The following TNNI3K variants were observed in gnomAD, a reference collection of about 807,000 sequenced individuals.
The protein encoded by TNNI3K is serine/threonine-protein kinase TNNI3K.
TNNI3K carries 140 observed loss-of-function variants against 114.5 expected under a neutral mutation model. That is an observed-to-expected ratio of 1.22 (90% CI 1.07 to 1.41). The LOEUF is 1.41. Among genes scored for constraint, TNNI3K ranks in the 40% most tolerant of loss-of-function variants. The probability of loss-of-function intolerance (pLI) is 0.00; values close to 1 mark genes in which losing one functional copy is unlikely to be tolerated. For missense variants in TNNI3K, 1,125 were observed against 1,007.6 expected (o/e 1.12, Z -1.58); for synonymous variants, 347 against 347.5 (o/e 1.00, Z 0.02).
At position 74,481,960 on chromosome 1, in the gene TNNI3K, G is replaced by A. The variant is rs143084380; in HGVS notation, c.2122-7229G>A. ...CGGAAACAAAGAGATTAAAAAATAC[G>A]TAAAAGACAAAAGATTCTCAGAGTG... is the stretch of plus-strand genomic sequence containing the variant. On this transcript the variant is annotated intron_variant, in intron 21 of 24. Transcript: ENST00000326637. Among the ~76,000 whole-genome samples, 109 of 152,214 alleles carry A rather than the reference G, an allele frequency of 7.2e-4. 1 individual carries two copies. Among genetic ancestry groups the A allele is most frequent in the South Asian group, 6.4e-3 (31 of 4,820 alleles).
intron 23 of TNNI3K, among the ~76,000 whole-genome samples, chr1:74,499,240 C>G (rs1013357499): frequency 3.9e-5 from 6 of 152,194 alleles, no homozygotes; most frequent in Admixed American, 2.6e-4. Flanking sequence ...TTCCTTGGCT[C>G]AAGCAATCCT....
intron 18 of TNNI3K, 138 bp downstream of exon 18, chr1:74,436,270 A>G: frequency 4.8e-6 from 6 of 1,260,462 alleles, no homozygotes; most frequent in Non-Finnish European, 6.6e-6. Flanking sequence ...TCCTACCATA[A>G]ATCATTCAAA....
rs776740030 is a variant in TNNI3K at position 74,539,209 on chromosome 1, A to G, written c.2352-1025A>G. Among the ~76,000 whole-genome samples, 122 of 152,234 alleles carry G rather than the reference A, an allele frequency of 8.0e-4. 1 individual carries two copies. The highest frequency in any genetic ancestry group is 3.4e-3 in the Middle Eastern group (1 of 294). ...GCTAAAAGGACTTGAATTGAGTGAG[A>G]AATGTGAGGGAAAGAAGCTATTACC... On this transcript the variant is annotated intron_variant, in intron 23 of 24. Coordinates refer to ENST00000326637, the MANE Select transcript of TNNI3K (RefSeq NM_015978.3).
chr1:74,451,623 CTTCCTT>C (rs1666999371), intron 20 of TNNI3K, among the ~76,000 whole-genome samples: 10 of 144,710 alleles, frequency 6.9e-5, no homozygotes, highest in African/African-American at 2.4e-4. Context: ...TCCTTCCTTC[CTTCCTT>C]TTCTTTTTCT....
At chr1:74,302,383 G>A (rs1432271675) in intron 5 of TNNI3K, among the ~76,000 whole-genome samples, 1 of 152,112 alleles carries the variant, frequency 6.6e-6, no homozygotes, top group Non-Finnish European at 1.5e-5. Flanking sequence ...AAGTGTTCAA[G>A]TGAAAGGAAA....
At chr1:74,522,145 T>C (rs1170987569) in intron 23 of TNNI3K, among the ~76,000 whole-genome samples, 5 of 152,176 alleles carry the variant, frequency 3.3e-5, no homozygotes, top group African/African-American at 1.2e-4. Context: ...TCAGGCACTA[T>C]TGGAAACTTA....
intron 5 of TNNI3K, among the ~76,000 whole-genome samples, chr1:74,314,587 C>T (rs1291816091): frequency 6.6e-6 from 1 of 152,108 alleles, no homozygotes; most frequent in Non-Finnish European, 1.5e-5. Flanking sequence ...AACATTAAGT[C>T]ATGCAGGAAG....
intron 20 of TNNI3K, among the ~76,000 whole-genome samples, chr1:74,445,793 G>C (rs1324481965): frequency 6.6e-6 from 1 of 151,648 alleles, no homozygotes; most frequent in Non-Finnish European, 1.5e-5. Flanking sequence ...TGTATTTTTA[G>C]TAGAGACGGG....
intron 22 of TNNI3K, among the ~76,000 whole-genome samples, chr1:74,491,101 T>C (rs1215801849): frequency 6.6e-6 from 1 of 152,234 alleles, no homozygotes; most frequent in Non-Finnish European, 1.5e-5. Context: ...ATACACATTT[T>C]AGAAGAGAGA....
At chr1:74,456,411 A>G (rs550411446) in intron 20 of TNNI3K, among the ~76,000 whole-genome samples, 21 of 152,220 alleles carry the variant, frequency 1.4e-4, no homozygotes, top group Non-Finnish European at 3.1e-4. Context: ...ATAAGCAGGC[A>G]CAACCTGGCA....
intron 23 of TNNI3K, among the ~76,000 whole-genome samples, chr1:74,534,333 C>G (rs1349901712): frequency 6.6e-6 from 1 of 152,166 alleles, no homozygotes; most frequent in Admixed American, 6.6e-5. Context: ...AAAAATGATT[C>G]CTTTTGGACT....
Position 74,235,459 on chromosome 1 carries a change from AT to A in TNNI3K, c.10del (p.Tyr4IlefsTer25). Reference protein sequence around the residue: MGNYKSRPTQTCT... With the variant: MGXYKSRPTQTCT... ...GGAAGAAACTTATAATAAATGGGAA[AT>A]TATAAATCTAGACCAACCCAAACTT... On this transcript the variant is annotated frameshift_variant, in exon 1 of 25. Coordinates refer to ENST00000326637, the MANE Select transcript of TNNI3K (RefSeq NM_015978.3). LOFTEE classifies it high-confidence loss of function. 6.6e-7 allele frequency: 1 copy of A among 1,520,568 alleles called. No homozygotes were observed. The highest frequency in any genetic ancestry group is 9.0e-7 in the Non-Finnish European group (1 of 1,111,088). 94.2% of individuals were successfully genotyped at this position (1,520,568 alleles called of 1,614,324 possible).
At chr1:74,439,377 G>T in intron 19 of TNNI3K, 113 bp from the exon 20 acceptor site, 1 of 1,475,560 alleles carries the variant, frequency 6.8e-7, no homozygotes. Flanking sequence ...TTATATTTAT[G>T]CCTTTTGAGA....
At chr1:74,300,115 G>A (rs1570437459) in intron 5 of TNNI3K, among the ~76,000 whole-genome samples, 1 of 151,994 alleles carries the variant, frequency 6.6e-6, no homozygotes, top group East Asian at 1.9e-4. Flanking sequence ...GGATTAAATG[G>A]CATTTGTCAT....
Position 74,411,505 on chromosome 1 carries a change from AC to A in TNNI3K, c.1773-24570del, listed in dbSNP as rs1437312474. Among the ~76,000 whole-genome samples the A allele has an allele frequency of 6.6e-5, 10 of 151,676 alleles. No individual in the cohort carries two copies. The South Asian group carries it at 1.3e-3, about 19-fold the overall frequency. On this transcript the variant is annotated intron_variant, in intron 17 of 24. Coordinates refer to ENST00000326637, the MANE Select transcript of TNNI3K (RefSeq NM_015978.3). ...ACTATTTGGTGTACATTGAAGAAGG[AC>A]CCCCTCCCCCACCCTGACACACAGG... is the stretch of plus-strand genomic sequence containing the variant.
intron 23 of TNNI3K, among the ~76,000 whole-genome samples, chr1:74,518,533 TG>T (rs1224913192): frequency 6.6e-6 from 1 of 152,194 alleles, no homozygotes; most frequent in Non-Finnish European, 1.5e-5. Flanking sequence ...GGTGGCTCTA[TG>T]GTTCCCACTG....
At chr1:74,265,809 A>G (rs1655943918) in intron 4 of TNNI3K, among the ~76,000 whole-genome samples, 1 of 152,032 alleles carries the variant, frequency 6.6e-6, no homozygotes, top group African/African-American at 2.4e-5. Context: ...AAATGTAGGA[A>G]GTGCCCATCA....
At chr1:74,415,547 A>C (rs1665075308) in intron 17 of TNNI3K, among the ~76,000 whole-genome samples, 1 of 151,998 alleles carries the variant, frequency 6.6e-6, no homozygotes, top group Admixed American at 6.6e-5. Context: ...TTTTTGAAAA[A>C]TCTTTCTGTA....
At chr1:74,359,884 GTCC>G (rs1661863980) in intron 11 of TNNI3K, among the ~76,000 whole-genome samples, 1 of 150,704 alleles carries the variant, frequency 6.6e-6, no homozygotes, top group Non-Finnish European at 1.5e-5. Context: ...ATTTTTTTTT[GTCC>G]TCATGATTCT....
Sources: gnomAD v4.1 joint callset for allele counts (sites outside exome capture counted in the v4.1 genomes callset) on GRCh38, gnomAD v4.1.1 for gene constraint, MANE v1.5 for transcripts, NCBI Gene and HGNC (gene_info 2026-07-23, HGNC 2026-07-21) for gene names.